The following HMMR variants were observed in gnomAD, a reference collection of about 807,000 sequenced individuals.
HMMR encodes intracellular hyaluronic acid-binding protein.
Under a neutral mutation model 101.0 loss-of-function variants are expected in HMMR, and 108 were observed. That is an observed-to-expected ratio of 1.07 (90% CI 0.92 to 1.25). HMMR has a LOEUF of 1.25. Among genes scored for constraint, HMMR ranks in the 50% most tolerant of loss-of-function variants. The probability of loss-of-function intolerance (pLI) is 0.00; values close to 1 mark genes in which losing one functional copy is unlikely to be tolerated. For missense variants in HMMR, 813 were observed against 788.7 expected (o/e 1.03, Z -0.37); for synonymous variants, 296 against 276.4 (o/e 1.07, Z -0.70).
intron 16 of HMMR, among the ~76,000 whole-genome samples, chr5:163,485,306 G>A (rs1294743824): frequency 6.6e-6 from 1 of 152,118 alleles, no homozygotes; most frequent in African/African-American, 2.4e-5. Flanking sequence ...GGCGGTGTAC[G>A]AGGGTTCCAA....
intron 4 of HMMR, among the ~76,000 whole-genome samples, chr5:163,469,377 A>G (rs1251136444): frequency 6.6e-6 from 1 of 152,082 alleles, no homozygotes; most frequent in Non-Finnish European, 1.5e-5. Flanking sequence ...TCTCAAAAAA[A>G]AAAAAAAAAA....
chr5:163,483,502 A>G (rs986422857), intron 15 of HMMR, 135 bp downstream of exon 15: 4 of 508,448 alleles, frequency 7.9e-6, no homozygotes, highest in South Asian at 4.0e-5. Flanking sequence ...TTAGCTCACT[A>G]TTAAAGGTTT....
chr5:163,466,184 T>C (rs1009930189), intron 3 of HMMR, among the ~76,000 whole-genome samples: 3 of 151,764 alleles, frequency 2.0e-5, no homozygotes, highest in African/African-American at 7.3e-5. Flanking sequence ...GAGAACTGCT[T>C]GAACCTAGGG....
intron 7 of HMMR, 114 bp downstream of exon 7, chr5:163,471,577 G>A: frequency 1.5e-6 from 1 of 651,028 alleles, no homozygotes; most frequent in Non-Finnish European, 2.6e-6. Context: ...TTATCTCATT[G>A]CCTCCCTCCA....
chr5:163,465,072 C>T (rs1189365003), intron 3 of HMMR: 5 of 336,034 alleles, frequency 1.5e-5, no homozygotes, highest in Non-Finnish European at 2.7e-5. Context: ...GTAAACATTT[C>T]AAAATTATGT....
At chr5:163,471,331 C>A in intron 6 of HMMR, 32 bp from the exon 7 acceptor site, 1 of 1,609,806 alleles carries the variant, frequency 6.2e-7, no homozygotes, top group South Asian at 1.1e-5. Context: ...ACAACTTTCT[C>A]ATTTCCTAAA....
rs767155512 is a variant in HMMR at position 163,469,666 on chromosome 5, G to A, written c.299G>A (p.Gly100Asp). The A allele has an allele frequency of 6.2e-7, 1 of 1,612,906 alleles. No individual in the cohort carries two copies. Among genetic ancestry groups the A allele is most frequent in the South Asian group, 1.1e-5 (1 of 90,868 alleles). Reference sequence around the variant, plus strand: ...ATTCGTGTTCTTCTACAGGAACGTGGTGCCCAGGACAGGCGGATCCAGGAT... The same window carrying A: ...ATTCGTGTTCTTCTACAGGAACGTGATGCCCAGGACAGGCGGATCCAGGAT... ...KEIRVLLQER[G>D]AQDRRIQDLE... Residue 100 changes from glycine to aspartate, a missense_variant, in exon 5 of 18, where the codon GGT (glycine) becomes GAT (aspartate). By Grantham distance (94) the Gly-to-Asp change is moderately conservative. Transcript: ENST00000393915.
Position 163,484,160 on chromosome 5 carries a change from A to G in HMMR, c.1877A>G (p.Tyr626Cys), listed in dbSNP as rs768445452. 5.0e-6 allele frequency: 8 copies of G among 1,604,716 alleles called. No homozygotes were observed. The East Asian group carries it at 1.1e-4, about 22-fold the overall frequency. ...CAGCTAAATAAAATAAGAGATTCAT[A>G]TGCTAAATTATTGGGTCATCAGAAT... ...QEQLNKIRDSYAKLLGHQNLK... is the reference protein window; with the variant it reads ...QEQLNKIRDSCAKLLGHQNLK... The change falls in exon 16 of 18, where the codon TAT (tyrosine) becomes TGT (cysteine). Residue 626 changes from tyrosine to cysteine, a missense_variant. Transcript: ENST00000393915.
chr5:163,467,157 G>T (rs1758731790), intron 3 of HMMR, among the ~76,000 whole-genome samples: 1 of 152,138 alleles, frequency 6.6e-6, no homozygotes, highest in Non-Finnish European at 1.5e-5. Context: ...AGATGGAAAA[G>T]ATATTCTTTT....
intron 12 of HMMR, among the ~76,000 whole-genome samples, chr5:163,482,330 C>G (rs1759297741): frequency 6.6e-6 from 1 of 152,182 alleles, no homozygotes. Flanking sequence ...TCATTAGGCT[C>G]TAGTCTCACT....
intron 8 of HMMR, 35 bp from the exon 9 acceptor site, chr5:163,473,344 A>G: frequency 6.4e-7 from 1 of 1,562,124 alleles, no homozygotes; most frequent in Non-Finnish European, 8.8e-7. Flanking sequence ...GTGCCTAAAT[A>G]GATGTGCTTT....
In HMMR at chr5:163,471,442, T is replaced by C. The variant is rs1407445670; in HGVS notation, c.629T>C (p.Ile210Thr). Residue 210 changes from isoleucine to threonine, a missense_variant, in exon 7 of 18, where the codon ATA (isoleucine) becomes ACA (threonine). Physicochemically the swap from Ile to Thr is moderately conservative, Grantham distance 89. Coordinates refer to ENST00000393915, the MANE Select transcript of HMMR (RefSeq NM_001142556.2). ...AGTCTCGAAGAGTCTCAAGGGAAAATAGCCCAACTGGAGGGAAAACTGTAA... is the reference window on the plus strand; with the variant it reads ...AGTCTCGAAGAGTCTCAAGGGAAAACAGCCCAACTGGAGGGAAAACTGTAA... ...QRSLEESQGK[I>T]AQLEGKLVSI... is the part of the protein sequence containing the mutation. 4 of 1,612,594 alleles carry C rather than the reference T, an allele frequency of 2.5e-6. No homozygotes were observed. The highest frequency in any genetic ancestry group is 3.4e-6 in the Non-Finnish European group (4 of 1,178,712).
Position 163,469,700 on chromosome 5 carries a change from T to C in HMMR, c.333T>C (p.Thr111=). Residue 111 remains threonine (T), a synonymous_variant, in exon 5 of 18, where the codon ACT becomes ACC. Transcript: ENST00000393915. ...AQDRRIQDLE[T]ELEKMEARLN... is the part of the protein sequence containing the mutation. Reference sequence around the variant, plus strand: ...ACAGGCGGATCCAGGATCTGGAAACTGAGTTGGAAAAGATGGAAGCAAGGC... The same window carrying C: ...ACAGGCGGATCCAGGATCTGGAAACCGAGTTGGAAAAGATGGAAGCAAGGC... 6.2e-7 allele frequency: 1 copy of C among 1,613,932 alleles called. No homozygotes were observed.
At chr5:163,489,139 A>G (rs1002231433) in intron 16 of HMMR, 1 of 152,236 alleles carries the variant, frequency 6.6e-6, no homozygotes. Context: ...GATCCCTCAC[A>G]TGTGCATTTC....
Position 163,475,563 on chromosome 5 carries a change from G to C in HMMR, c.1159G>C (p.Asp387His). 6.2e-7 allele frequency: 1 copy of C among 1,612,084 alleles called. No homozygotes were observed. Among genetic ancestry groups the C allele is most frequent in the Non-Finnish European group, 8.5e-7 (1 of 1,178,408 alleles). ...ATTAAAGCAAACACTGGATGAGCTT[G>C]ATAAATTACAGCAAAAGGAGGAACA... ...EELKQTLDEL[D>H]KLQQKEEQAE... Residue 387 changes from aspartate to histidine, a missense_variant, in exon 11 of 18, where the codon GAT becomes CAT. By Grantham distance (81) the Asp-to-His change is moderately conservative. Transcript: ENST00000393915.
intron 12 of HMMR, among the ~76,000 whole-genome samples, chr5:163,480,227 C>A (rs938428237): frequency 2.0e-5 from 3 of 152,116 alleles, no homozygotes; most frequent in Non-Finnish European, 4.4e-5. Flanking sequence ...CTTTTTCCCC[C>A]CTGTGTATTA....
intron 17 of HMMR, 75 bp from the exon 18 acceptor site, chr5:163,491,037 T>G (rs1581206966): frequency 6.6e-6 from 5 of 754,022 alleles, no homozygotes; most frequent in Non-Finnish European, 1.1e-5. Flanking sequence ...ATACAAGGCC[T>G]GTTTTTAGTT....
intron 13 of HMMR, 31 bp from the exon 14 acceptor site, chr5:163,482,989 G>A: frequency 2.6e-6 from 4 of 1,544,162 alleles, no homozygotes; most frequent in Non-Finnish European, 3.5e-6. Context: ...GCTATAAAAT[G>A]TTTAGTGACC....
chr5:163,471,419 T>C lies in HMMR; in HGVS notation c.606T>C (p.Ser202=). The change falls in exon 7 of 18, where the codon AGT becomes AGC. Residue 202 remains serine (S), a synonymous_variant. Transcript: ENST00000393915. ...TGAAGCTGCAGGTCACCCAAAGGAG[T>C]CTCGAAGAGTCTCAAGGGAAAATAG... ...MEMKLQVTQR[S]LEESQGKIAQ... is the part of the protein sequence containing the mutation. The C allele has an allele frequency of 6.2e-7, 1 of 1,613,654 alleles. No individual in the cohort carries two copies. The highest frequency in any genetic ancestry group is 2.2e-5 in the East Asian group (1 of 44,858).
Sources: gnomAD v4.1 joint callset for allele counts (sites outside exome capture counted in the v4.1 genomes callset) on GRCh38, gnomAD v4.1.1 for gene constraint, MANE v1.5 for transcripts, NCBI Gene and HGNC (gene_info 2026-07-23, HGNC 2026-07-21) for gene names.